ABCA13: variants seen among roughly 807,000 people sequenced by gnomAD.
ABCA13 encodes the protein ATP binding cassette subfamily A member 13.
A neutral mutation model predicts 478.7 loss-of-function variants in ABCA13; 476 were observed. That is an observed-to-expected ratio of 0.99 (90% confidence interval 0.92 to 1.07). The LOEUF (loss-of-function observed/expected upper bound fraction) is 1.07. Among genes scored for constraint, ABCA13 ranks in the 50% least tolerant of loss-of-function variants. The probability of loss-of-function intolerance (pLI) is 0.00; values close to 1 mark genes in which losing one functional copy is unlikely to be tolerated. For synonymous variants in ABCA13, 2,252 were observed against 2,158.9 expected (o/e 1.04, Z -1.20); for missense variants, 6,060 against 5,910.6 (o/e 1.03, Z -0.83).
chr7:48,585,719 A>G (rs868628461), intron 56 of ABCA13, among the ~76,000 whole-genome samples: 17 of 152,284 alleles, frequency 1.1e-4, no homozygotes, highest in Admixed American at 5.2e-4. Context: ...TTTTAGTCCT[A>G]TAGAATTTTT....
At position 48,352,482 on chromosome 7, in the gene ABCA13, C is replaced by T. The variant is rs368428844; in HGVS notation, c.10683C>T (p.Ser3561=). The T allele has an allele frequency of 8.6e-5, 137 of 1,600,244 alleles. No individual in the cohort carries two copies. The highest frequency in any genetic ancestry group is 1.1e-4 in the East Asian group (5 of 44,522). The change falls in exon 31 of 62, where the codon AGC becomes AGT. Residue 3561 remains serine, a synonymous_variant. Coordinates refer to ENST00000435803, the MANE Select transcript of ABCA13 (RefSeq NM_152701.5). Reference sequence around the variant, plus strand: ...CGGCCCCTTACCCCTGCCATACCAGCGACCTGTGAGTAGCCTGGGGCAGGA... The same window carrying T: ...CGGCCCCTTACCCCTGCCATACCAGTGACCTGTGAGTAGCCTGGGGCAGGA... ...TQAAPYPCHT[S]DLFLNNVGFF... is the part of the protein sequence containing the mutation.
chr7:48,346,999 A>G (rs1370004045), intron 29 of ABCA13, among the ~76,000 whole-genome samples: 1 of 152,154 alleles, frequency 6.6e-6, no homozygotes, highest in East Asian at 1.9e-4. Context: ...CCATAAGAAT[A>G]TCCAAGTTTA....
At chr7:48,351,763 A>C (rs1165655921) in intron 30 of ABCA13, among the ~76,000 whole-genome samples, 1 of 152,204 alleles carries the variant, frequency 6.6e-6, no homozygotes, top group African/African-American at 2.4e-5. Context: ...TTATGCATAC[A>C]ATTCAAAGAA....
chr7:48,639,108 A>G (rs1274123873), intron 59 of ABCA13, among the ~76,000 whole-genome samples: 2 of 152,250 alleles, frequency 1.3e-5, no homozygotes, highest in Non-Finnish European at 2.9e-5. Context: ...GATACAGGAC[A>G]GAGCTCATGT....
At chr7:48,294,437 T>TG (rs1321948472) in intron 20 of ABCA13, among the ~76,000 whole-genome samples, 2,559 of 90,372 alleles carry the variant, frequency 0.028, 103 homozygotes, top group African/African-American at 0.087. Flanking sequence ...TTTTTTTTTT[T>TG]TTTTGTTTTG....
rs929465450 is a variant in ABCA13, at chr7:48,500,140, A to G, written c.13292-6196A>G. 9.9e-5 allele frequency among the ~76,000 whole-genome samples: 15 copies of G among 152,270 alleles called. 2 individuals carry two copies. Among genetic ancestry groups the G allele is most frequent in the Middle Eastern group, 3.4e-3 (1 of 294 alleles). On this transcript the variant is annotated intron_variant, in intron 48 of 61. Transcript: ENST00000435803. ...GCACCCACTCACCAACCTTGGCTAC[A>G]CTTCCTCTACAGTAGGCTCCATCAC...
intron 43 of ABCA13, among the ~76,000 whole-genome samples, chr7:48,462,976 G>A (rs948276803): frequency 6.6e-6 from 1 of 151,944 alleles, no homozygotes; most frequent in Non-Finnish European, 1.5e-5. Flanking sequence ...CTCCTTCTGT[G>A]TGGATTTTTC....
intron 55 of ABCA13, among the ~76,000 whole-genome samples, chr7:48,571,089 G>A (rs1441822953): frequency 6.6e-6 from 1 of 151,912 alleles, no homozygotes; most frequent in African/African-American, 2.4e-5. Flanking sequence ...TTTCTACATA[G>A]CTCCTCTCCC....
intron 15 of ABCA13, among the ~76,000 whole-genome samples, chr7:48,268,475 G>A (rs919848860): frequency 6.6e-6 from 1 of 152,120 alleles, no homozygotes; most frequent in African/African-American, 2.4e-5. Flanking sequence ...AACTCTTTTG[G>A]GTGTTTTCTT....
At chr7:48,416,469 C>T (rs747767951) in intron 41 of ABCA13, among the ~76,000 whole-genome samples, 1 of 152,144 alleles carries the variant, frequency 6.6e-6, no homozygotes, top group Non-Finnish European at 1.5e-5. Flanking sequence ...ACTGCACTCA[C>T]TGCAGAATGA....
rs529957509 is a variant in ABCA13 at position 48,246,396 on chromosome 7, T to C, written c.1659+366T>C. Among the ~76,000 whole-genome samples, 5 of 152,274 alleles carry C rather than the reference T, an allele frequency of 3.3e-5. No individual in the cohort carries two copies. In the East Asian group the frequency reaches 9.6e-4, roughly 29 times the overall value. ...CCAGCAAAACTGTGGCTTTGAGTGG[T>C]TACAAGCTTTAAAAGTCATATTCCT... On this transcript the variant is annotated intron_variant, in intron 13 of 61. Transcript: ENST00000435803.
intron 42 of ABCA13, among the ~76,000 whole-genome samples, chr7:48,451,575 A>C (rs1457888761): frequency 1.3e-5 from 2 of 152,192 alleles, no homozygotes; most frequent in African/African-American, 2.4e-5. Context: ...CATATTGGCT[A>C]TTTTGTAAAT....
chr7:48,573,000 A>G (rs1024195751), intron 55 of ABCA13, among the ~76,000 whole-genome samples: 4 of 152,032 alleles, frequency 2.6e-5, no homozygotes, highest in African/African-American at 9.7e-5. Context: ...TTCCATTTCT[A>G]TGCAGAAATT....
At chr7:48,322,973 T>A (rs186666819) in intron 27 of ABCA13, among the ~76,000 whole-genome samples, 1 of 152,310 alleles carries the variant, frequency 6.6e-6, no homozygotes, top group East Asian at 1.9e-4. Flanking sequence ...TGGTCTCTTT[T>A]GCTCAGTACG....
intron 55 of ABCA13, among the ~76,000 whole-genome samples, chr7:48,560,845 A>G (rs372251511): frequency 3.3e-5 from 5 of 152,096 alleles, no homozygotes; most frequent in African/African-American, 9.7e-5. Flanking sequence ...TGCTTTGACT[A>G]TTATCTTCTG....
At chr7:48,257,267 C>T (rs1793533528) in intron 15 of ABCA13, among the ~76,000 whole-genome samples, 1 of 152,108 alleles carries the variant, frequency 6.6e-6, no homozygotes, top group East Asian at 1.9e-4. Context: ...GAGACTTCCT[C>T]TCTTCCTGTT....
intron 43 of ABCA13, among the ~76,000 whole-genome samples, chr7:48,463,846 AGGAGGAAG>A (rs1299395295): frequency 6.6e-6 from 1 of 151,356 alleles, no homozygotes; most frequent in African/African-American, 2.4e-5. Context: ...CGGAAAGGAA[AGGAGGAAG>A]GGAGGAAGGG....
At chr7:48,614,628 A>G (rs1792366387) in intron 58 of ABCA13, among the ~76,000 whole-genome samples, 2 of 150,760 alleles carry the variant, frequency 1.3e-5, no homozygotes, top group East Asian at 3.9e-4. Flanking sequence ...AAGACTTGGA[A>G]CCAACCCAAA....
chr7:48,414,779 A>G (rs758753313), intron 41 of ABCA13, among the ~76,000 whole-genome samples: 3 of 152,056 alleles, frequency 2.0e-5, no homozygotes, highest in Non-Finnish European at 4.4e-5. Context: ...CAAGATTTTG[A>G]TCTTTAAAAT....
Sources: gnomAD v4.1 joint callset for allele counts (sites outside exome capture counted in the v4.1 genomes callset) on GRCh38, gnomAD v4.1.1 for gene constraint, MANE v1.5 for transcripts, NCBI Gene and HGNC (gene_info 2026-07-23, HGNC 2026-07-21) for gene names.